ADAMTS17: variants seen among roughly 807,000 people sequenced by gnomAD.
The protein encoded by ADAMTS17 is A disintegrin and metalloproteinase with thrombospondin motifs 17.
In ADAMTS17, 113 loss-of-function variants were observed where a neutral mutation model predicts 141.5. That is an observed-to-expected ratio of 0.80 (90% CI 0.69 to 0.93). ADAMTS17 has a LOEUF of 0.93. Ranked by LOEUF, ADAMTS17 falls within the 40% of genes least tolerant of loss-of-function variation. ADAMTS17 has a pLI of 0.00. For synonymous variants in ADAMTS17, 768 were observed against 630.6 expected (o/e 1.22, Z -3.27); for missense variants, 1,659 against 1,517.9 (o/e 1.09, Z -1.54).
At chr15:100,008,894 A>C (rs960439582) in intron 18 of ADAMTS17, among the ~76,000 whole-genome samples, 2 of 151,954 alleles carry the variant, frequency 1.3e-5, no homozygotes, top group African/African-American at 4.8e-5. Context: ...TGTAGAGTGC[A>C]GTGGTGCAAT....
chr15:100,149,112 C>G (rs992589534), intron 10 of ADAMTS17, among the ~76,000 whole-genome samples: 1 of 152,224 alleles, frequency 6.6e-6, no homozygotes, highest in African/African-American at 2.4e-5. Flanking sequence ...TCCTGCCATA[C>G]CCAACATCAA....
At position 99,993,618 on chromosome 15, in the gene ADAMTS17, C is replaced by G. The variant is rs1213771705; in HGVS notation, c.2797-418G>C. 6.6e-6 allele frequency among the ~76,000 whole-genome samples: 1 copy of G among 152,330 alleles called. No homozygotes were observed. The highest frequency in any genetic ancestry group is 1.9e-4 in the East Asian group (1 of 5,194). On this transcript the variant is annotated intron_variant, in intron 19 of 21. Coordinates refer to ENST00000268070, the MANE Select transcript of ADAMTS17 (RefSeq NM_139057.4). This position sits in a 1 kb window ranked among gnomAD's most constrained non-coding sequence, Gnocchi z 4.3. The stretch of plus-strand genomic sequence containing the variant: ...TAAAGCTGAGTCCCAGGCCCCAGAT[C>G]TTTCCAGCTGGCCTCCAGGTGCACA...
intron 7 of ADAMTS17, among the ~76,000 whole-genome samples, chr15:100,244,979 G>A (rs1337366197): frequency 6.6e-6 from 1 of 152,172 alleles, no homozygotes; most frequent in Non-Finnish European, 1.5e-5. Context: ...ACCCAATAAA[G>A]GGTCAGGCTG....
intron 2 of ADAMTS17, among the ~76,000 whole-genome samples, chr15:100,332,220 G>A (rs1407700935): frequency 6.6e-6 from 1 of 152,246 alleles, no homozygotes; most frequent in Non-Finnish European, 1.5e-5. Context: ...GGAGAGCACA[G>A]CTTTCCTCCC....
chr15:100,308,798 C>G (rs1385428026), intron 3 of ADAMTS17, among the ~76,000 whole-genome samples: 3 of 152,126 alleles, frequency 2.0e-5, no homozygotes, highest in Admixed American at 6.6e-5. Context: ...AAGGCCACCC[C>G]AGGGGACACA....
At chr15:100,048,175 AGAAC>A (rs1396191964) in intron 18 of ADAMTS17, among the ~76,000 whole-genome samples, 7 of 152,224 alleles carry the variant, frequency 4.6e-5, no homozygotes, top group African/African-American at 7.2e-5. Context: ...AATGATACAC[AGAAC>A]CACAAAGCAA....
chr15:100,339,943 C>T (rs2046315289), intron 2 of ADAMTS17, among the ~76,000 whole-genome samples: 2 of 152,200 alleles, frequency 1.3e-5, no homozygotes, highest in South Asian at 4.1e-4. Flanking sequence ...GGACTCGCCA[C>T]AGACTCTGTG....
intron 9 of ADAMTS17, among the ~76,000 whole-genome samples, chr15:100,153,189 T>C (rs2039269058): frequency 6.6e-6 from 1 of 152,254 alleles, no homozygotes; most frequent in Non-Finnish European, 1.5e-5. Context: ...TCAAAGTGCT[T>C]ATTTCCAACT....
intron 3 of ADAMTS17, among the ~76,000 whole-genome samples, chr15:100,304,517 T>C (rs1234910484): frequency 1.3e-5 from 2 of 152,228 alleles, no homozygotes; most frequent in African/African-American, 4.8e-5. Context: ...TATAAATCTT[T>C]GATCAATGCT....
chr15:100,169,691 G>A (rs150550749), intron 8 of ADAMTS17, among the ~76,000 whole-genome samples: 2 of 152,188 alleles, frequency 1.3e-5, no homozygotes, highest in African/African-American at 2.4e-5. Flanking sequence ...AAGTGGCCAC[G>A]TGGAGGCTGG....
intron 18 of ADAMTS17, among the ~76,000 whole-genome samples, chr15:100,009,626 GC>G (rs2061117910): frequency 6.6e-6 from 1 of 152,082 alleles, no homozygotes. Flanking sequence ...CACTCCACAG[GC>G]CCGATCAACC....
At position 100,340,095 on chromosome 15, in the gene ADAMTS17, C is replaced by A. The variant is rs539680482; in HGVS notation, c.450+944G>T. Among the ~76,000 whole-genome samples, 242 of 152,364 alleles carry A rather than the reference C, an allele frequency of 1.6e-3. 2 individuals are homozygous for A. Among genetic ancestry groups the A allele is most frequent in the African/African-American group, 5.5e-3 (228 of 41,592 alleles). ...GCCAGTCATGACAGAAGACAGAGAACCCCTGCGGTTCATGCTCTGGGTCCA... is the reference window on the plus strand; with the variant it reads ...GCCAGTCATGACAGAAGACAGAGAAACCCTGCGGTTCATGCTCTGGGTCCA... On this transcript the variant is annotated intron_variant, in intron 2 of 21. Coordinates refer to ENST00000268070, the MANE Select transcript of ADAMTS17 (RefSeq NM_139057.4).
intron 7 of ADAMTS17, among the ~76,000 whole-genome samples, chr15:100,212,333 C>A (rs149401405): frequency 3.0e-3 from 455 of 152,264 alleles, no homozygotes; most frequent in African/African-American, 0.01. Flanking sequence ...CACAGTCAGG[C>A]CCGTGCATAA....
chr15:100,282,746 C>T (rs1431525076), intron 3 of ADAMTS17, among the ~76,000 whole-genome samples: 6 of 151,652 alleles, frequency 4.0e-5, no homozygotes, highest in Non-Finnish European at 2.9e-5. Context: ...ATTACAATCA[C>T]AAAAAAGTGG....
At chr15:100,051,322 C>T (rs77212293) in intron 17 of ADAMTS17, among the ~76,000 whole-genome samples, 2,011 of 152,310 alleles carry the variant, frequency 0.013, 45 homozygotes, top group African/African-American at 0.042. Context: ...CCAAACCCCG[C>T]TTCACCCATA....
intron 7 of ADAMTS17, among the ~76,000 whole-genome samples, chr15:100,235,412 G>A (rs2042625478): frequency 6.6e-6 from 1 of 152,032 alleles, no homozygotes; most frequent in African/African-American, 2.4e-5. Context: ...CACACATACG[G>A]CCAGTAGAGT....
intron 4 of ADAMTS17, among the ~76,000 whole-genome samples, chr15:100,279,219 C>T (rs1481414781): frequency 6.6e-6 from 1 of 152,228 alleles, no homozygotes; most frequent in Non-Finnish European, 1.5e-5. Context: ...GACCACCACC[C>T]TCTGCTATCC....
intron 2 of ADAMTS17, among the ~76,000 whole-genome samples, chr15:100,334,743 C>T (rs1421797436): frequency 1.3e-5 from 2 of 152,206 alleles, no homozygotes; most frequent in Admixed American, 1.3e-4. Context: ...ATGTGAAATG[C>T]CTGAGCACAG....
intron 12 of ADAMTS17, among the ~76,000 whole-genome samples, chr15:100,125,410 A>T (rs1373873986): frequency 6.6e-6 from 1 of 152,150 alleles, no homozygotes; most frequent in Non-Finnish European, 1.5e-5. Context: ...CAGGCACATA[A>T]CCTTACACCA....
Sources: allele counts gnomAD v4.1 joint callset (sites outside exome capture counted in the v4.1 genomes callset), GRCh38; gene constraint gnomAD v4.1.1; non-coding constraint Gnocchi (gnomAD v3.1); transcripts MANE v1.5; gene names NCBI Gene and HGNC (gene_info 2026-07-23, HGNC 2026-07-21).